Variants in RPUSD1 observed in about 807,000 individuals in gnomAD.
RPUSD1 encodes the protein RNA pseudouridine synthase domain containing 1, also known as pseudouridylate synthase RPUSD1.
Under a neutral mutation model 22.4 loss-of-function variants are expected in RPUSD1, and 28 were observed. The ratio of observed to expected loss-of-function variants is 1.25; its 90% confidence interval spans 0.93 to 1.72. The LOEUF is 1.72. Ranked by LOEUF, RPUSD1 falls within the 40% of genes most tolerant of loss-of-function variation. RPUSD1 has a pLI of 0.00. For missense variants in RPUSD1, 596 were observed against 442.2 expected (o/e 1.35, Z -3.12); for synonymous variants, 298 against 201.0 (o/e 1.48, Z -4.08).
chr16:786,812 C>A lies in RPUSD1; in HGVS notation c.511+15G>T. 3 of 1,604,690 alleles carry A rather than the reference C, an allele frequency of 1.9e-6. No individual in the cohort carries two copies. The highest frequency in any genetic ancestry group is 2.6e-6 in the Non-Finnish European group (3 of 1,172,236). On this transcript the variant is annotated intron_variant, in intron 5 of 5. Transcript: ENST00000007264. Reference sequence around the variant, plus strand: ...CCTTCTGTCACCACCAGGACACCGCCCACCCCAGACACACCCGTGAGCGGC... The same window carrying A: ...CCTTCTGTCACCACCAGGACACCGCACACCCCAGACACACCCGTGAGCGGC...
Position 788,360 on chromosome 16 carries a change from G to C in RPUSD1, c.-112C>G, listed in dbSNP as rs999151148. On this transcript the variant is annotated 5_prime_UTR_variant, in exon 1 of 6. Transcript: ENST00000007264. ...CCAGAGACCCTGGAAGCTCCGCTCC[G>C]GACGCCTGGCAGCGCTTCCGCCCTG... The C allele has an allele frequency of 5.3e-5, 10 of 189,346 alleles. No homozygotes were observed. The highest frequency in any genetic ancestry group is 4.6e-4 in the Admixed American group (7 of 15,244). 11.7% of individuals were successfully genotyped at this position (189,346 alleles called of 1,614,324 possible).
In RPUSD1 at chr16:786,389, G is replaced by A. The variant is rs376572188; in HGVS notation, c.512-12C>T. The A allele has an allele frequency of 4.4e-6, 7 of 1,595,878 alleles. No homozygotes were observed. The highest frequency in any genetic ancestry group is 3.4e-5 in the Admixed American group (2 of 59,622). ...CTGGTGTGTCCGGCCTGCGGGATGA[G>A]GGCGGTGCCGGATCAAGCTGGGAGC... On this transcript the variant is annotated splice_polypyrimidine_tract_variant and intron_variant, in intron 5 of 5. Coordinates refer to ENST00000007264, the MANE Select transcript of RPUSD1 (RefSeq NM_058192.3).
Position 787,344 on chromosome 16 carries a change from C to A in RPUSD1, c.306+10G>T. On this transcript the variant is annotated intron_variant, in intron 3 of 5. Coordinates refer to ENST00000007264, the MANE Select transcript of RPUSD1 (RefSeq NM_058192.3). The stretch of plus-strand genomic sequence containing the variant: ...CCCCACGCCCCACCCCAGGACTGAC[C>A]AGGTCTTACCAATGCCAGGTAAGCC... The A allele has an allele frequency of 1.3e-6, 2 of 1,580,534 alleles. No homozygotes were observed. The highest frequency in any genetic ancestry group is 1.1e-5 in the South Asian group (1 of 87,228).
At chr16:786,556 T>G in intron 5 of RPUSD1, 179 bp from the exon 6 acceptor site, 1 of 767,924 alleles carries the variant, frequency 1.3e-6, no homozygotes, top group South Asian at 1.5e-5. Flanking sequence ...CAGAAGATTG[T>G]GTTCAGGTCA....
Position 788,184 on chromosome 16 carries a change from C to T in RPUSD1, c.-8+72G>A, listed in dbSNP as rs1015888168. 2.4e-4 allele frequency: 99 copies of T among 413,466 alleles called. 3 individuals carry two copies. Among genetic ancestry groups the T allele is most frequent in the African/African-American group, 1.9e-3 (87 of 45,732 alleles). 25.6% of individuals were successfully genotyped at this position (413,466 alleles called of 1,614,324 possible). A position where few individuals can be genotyped will look rare whatever the true frequency, so the allele number is the denominator to read the frequency against. On this transcript the variant is annotated intron_variant, in intron 1 of 5. Coordinates refer to ENST00000007264, the MANE Select transcript of RPUSD1 (RefSeq NM_058192.3). ...CCGCAGTCCGCGCAGACCCGCGCCC[C>T]GCACAGGCCCGGTGGGCAGGCCGAC...
In RPUSD1 at chr16:786,153, A is replaced by C; in HGVS notation, c.736T>G (p.Ser246Ala). Residue 246 changes from serine to alanine, a missense_variant, in exon 6 of 6, where the codon TCG becomes GCG. Coordinates refer to ENST00000007264, the MANE Select transcript of RPUSD1 (RefSeq NM_058192.3). ...ACWSPHTLLQ[S>A]LDQLVQALRA... The stretch of plus-strand genomic sequence containing the variant: ...AAGGCCTGCACGAGCTGGTCCAGCG[A>C]CTGCAGCAGTGTGTGGGGGCTCCAG... The C allele has an allele frequency of 6.2e-7, 1 of 1,610,862 alleles. No homozygotes were observed. The highest frequency in any genetic ancestry group is 1.1e-5 in the South Asian group (1 of 91,056).
intron 4 of RPUSD1, 50 bp downstream of exon 4, chr16:787,024 CCAG>C: frequency 6.3e-7 from 1 of 1,594,530 alleles, no homozygotes; most frequent in African/African-American, 1.3e-5. Context: ...CCCTGCCTGC[CCAG>C]GCCCACCCCA....
intron 5 of RPUSD1, 193 bp downstream of exon 5, chr16:786,634 G>A (rs1036258796): frequency 1.4e-6 from 1 of 735,274 alleles, no homozygotes; most frequent in Admixed American, 2.0e-5. Flanking sequence ...GACCCCCAAG[G>A]AATCAGTCAG....
In RPUSD1 at chr16:786,171, G is replaced by C. The variant is rs376043010; in HGVS notation, c.718C>G (p.Pro240Ala). 2 of 1,612,380 alleles carry C rather than the reference G, an allele frequency of 1.2e-6. No individual in the cohort carries two copies. Among genetic ancestry groups the C allele is most frequent in the East Asian group, 2.2e-5 (1 of 44,874 alleles). The change falls in exon 6 of 6, where the codon CCC (proline) becomes GCC (alanine). Residue 240 changes from proline (P) to alanine (A), a missense_variant. Transcript: ENST00000007264. ...TCCAGCGACTGCAGCAGTGTGTGGG[G>C]GCTCCAGCAGGCATCCAGGGAGGGC... ...FLPSLDACWS[P>A]HTLLQSLDQL...
chr16:786,387 G>A lies in RPUSD1; in HGVS notation c.512-10C>T, dbSNP rs1485439622. 1.3e-6 allele frequency: 2 copies of A among 1,599,440 alleles called. No homozygotes were observed. The highest frequency in any genetic ancestry group is 1.7e-6 in the Non-Finnish European group (2 of 1,172,320). On this transcript the variant is annotated splice_polypyrimidine_tract_variant and intron_variant, in intron 5 of 5. Coordinates refer to ENST00000007264, the MANE Select transcript of RPUSD1 (RefSeq NM_058192.3). ...AGCTGGTGTGTCCGGCCTGCGGGATGAGGGCGGTGCCGGATCAAGCTGGGA... is the reference window on the plus strand; with the variant it reads ...AGCTGGTGTGTCCGGCCTGCGGGATAAGGGCGGTGCCGGATCAAGCTGGGA...
In RPUSD1 at chr16:788,358, C is replaced by G. The variant is rs1423201008; in HGVS notation, c.-110G>C. 1.1e-5 allele frequency: 2 copies of G among 190,376 alleles called. No homozygotes were observed. The highest frequency in any genetic ancestry group is 1.3e-4 in the Admixed American group (2 of 15,280). 11.8% of individuals were successfully genotyped at this position (190,376 alleles called of 1,614,324 possible). On this transcript the variant is annotated 5_prime_UTR_variant, in exon 1 of 6. Coordinates refer to ENST00000007264, the MANE Select transcript of RPUSD1 (RefSeq NM_058192.3). ...ACCCAGAGACCCTGGAAGCTCCGCT[C>G]CGGACGCCTGGCAGCGCTTCCGCCC...
At position 786,857 on chromosome 16, in the gene RPUSD1, C is replaced by T. The variant is rs770775269; in HGVS notation, c.481G>A (p.Val161Ile). 5 of 1,613,266 alleles carry T rather than the reference C, an allele frequency of 3.1e-6. No individual in the cohort carries two copies. The South Asian group carries it at 5.5e-5, about 18-fold the overall frequency. The change falls in exon 5 of 6, where the codon GTC becomes ATC. Residue 161 changes from valine (V) to isoleucine (I), a missense_variant. Transcript: ENST00000007264. The part of the protein sequence containing the change: ...LEHGLYAGDP[V>I]SKVLLKPLTG... ...AGCGGCTTCAGCAGCACTTTGGAGA[C>T]AGGATCGCCTGCGTACAGCCCGTGT...
At position 787,357 on chromosome 16, in the gene RPUSD1, TGC is replaced by T; in HGVS notation, c.301_302del (p.Ala101IlefsTer38). On this transcript the variant is annotated frameshift_variant, in exon 3 of 6. Transcript: ENST00000007264. LOFTEE classifies it high-confidence loss of function. ...CCCAGGACTGACCAGGTCTTACCAA[TGC>T]CAGGTAAGCCTTGGTCACGCGCCGC... ...KERRVTKAYL[A>X]LLRGHIQESR... The T allele has an allele frequency of 6.3e-7, 1 of 1,584,432 alleles. No homozygotes were observed. Among genetic ancestry groups the T allele is most frequent in the Non-Finnish European group, 8.6e-7 (1 of 1,166,096 alleles).
Position 787,113 on chromosome 16 carries a change from C to T in RPUSD1, c.373G>A (p.Gly125Ser), listed in dbSNP as rs767804092. The change falls in exon 4 of 6, where the codon GGC (glycine) becomes AGC (serine). Residue 125 changes from glycine to serine, a missense_variant. Coordinates refer to ENST00000007264, the MANE Select transcript of RPUSD1 (RefSeq NM_058192.3). ...TCGATGCACATGGTGTGGGCCCGGC[C>T]CTCCGTGCTGTTCCTGCCAATGGCA... ...SHAIGRNSTEGRAHTMCIEGS... is the reference protein window; with the variant it reads ...SHAIGRNSTESRAHTMCIEGS... 3.7e-6 allele frequency: 6 copies of T among 1,607,798 alleles called. No individual in the cohort carries two copies. Among genetic ancestry groups the T allele is most frequent in the Non-Finnish European group, 5.1e-6 (6 of 1,179,124 alleles).
At chr16:787,325 G>T in intron 3 of RPUSD1, 29 bp downstream of exon 3, 1 of 1,563,628 alleles carries the variant, frequency 6.4e-7, no homozygotes, top group South Asian at 1.2e-5. Context: ...GAGTCCCCAC[G>T]CCCCACCCCA....
In RPUSD1 at chr16:787,428, G is replaced by A. The variant is rs1386517461; in HGVS notation, c.232C>T (p.Leu78=). The change falls in exon 3 of 6, where the codon CTA becomes TTA. Residue 78 remains leucine (L), a synonymous_variant. Coordinates refer to ENST00000007264, the MANE Select transcript of RPUSD1 (RefSeq NM_058192.3). ...FSTSGALCVA[L]NKAAAGSAYR... ...GCGCTGCCGGCGGCTGCCTTGTTTAGGGCCACGCACAGCGCCCCGCTGGTG... is the reference window on the plus strand; with the variant it reads ...GCGCTGCCGGCGGCTGCCTTGTTTAAGGCCACGCACAGCGCCCCGCTGGTG... The A allele has an allele frequency of 3.2e-6, 5 of 1,583,878 alleles. No homozygotes were observed. Among genetic ancestry groups the A allele is most frequent in the South Asian group, 2.3e-5 (2 of 87,882 alleles).
In RPUSD1 at chr16:787,060, G is replaced by T. The variant is rs749279923; in HGVS notation, c.409+17C>A. ...CCAACCCACGATGCCCGCCCGGTGG[G>T]TCCCTGCCTGCCACACCCTGCGAGC... On this transcript the variant is annotated intron_variant, in intron 4 of 5. Coordinates refer to ENST00000007264, the MANE Select transcript of RPUSD1 (RefSeq NM_058192.3). 11 of 1,598,984 alleles carry T rather than the reference G, an allele frequency of 6.9e-6. No homozygotes were observed. Among genetic ancestry groups the T allele is most frequent in the Non-Finnish European group, 8.5e-6 (10 of 1,174,360 alleles).
rs760727052 is a variant in RPUSD1 at position 787,573 on chromosome 16, G to GT, written c.164dup (p.Asp55GlufsTer85). The GT allele has an allele frequency of 1.2e-6, 2 of 1,611,028 alleles. No individual in the cohort carries two copies. Among genetic ancestry groups the GT allele is most frequent in the South Asian group, 2.2e-5 (2 of 91,058 alleles). On this transcript the variant is annotated frameshift_variant, in exon 2 of 6. Transcript: ENST00000007264. LOFTEE classifies it high-confidence loss of function. ...CCCCCTACCTGAACCCGTAGCAGGT[G>GT]TCAGGGTCGGCCAGCTCGGGAAAGC...
In RPUSD1 at chr16:788,240, C is replaced by T. The variant is rs1243692579; in HGVS notation, c.-8+16G>A. 3 of 393,128 alleles carry T rather than the reference C, an allele frequency of 7.6e-6. No homozygotes were observed. The highest frequency in any genetic ancestry group is 1.5e-5 in the Non-Finnish European group (3 of 202,512). 24.4% of individuals were successfully genotyped at this position (393,128 alleles called of 1,614,324 possible). A position where few individuals can be genotyped will look rare whatever the true frequency, so the allele number is the denominator to read the frequency against. On this transcript the variant is annotated intron_variant, in intron 1 of 5. Transcript: ENST00000007264. The stretch of plus-strand genomic sequence containing the variant: ...CTCCGAGCCCCTCCCGCGCCCACGC[C>T]CACGCCAAGACCAACCTGCTGCCGG...
Sources: gnomAD v4.1 joint callset for allele counts on GRCh38, gnomAD v4.1.1 for gene constraint, MANE v1.5 for transcripts, NCBI Gene and HGNC (gene_info 2026-07-23, HGNC 2026-07-21) for gene names.